The following NANP variants were observed in gnomAD, a reference collection of about 807,000 sequenced individuals.
NANP encodes N-acylneuraminate-9-phosphatase.
In NANP, 15 loss-of-function variants were observed where a neutral mutation model predicts 16.9. The ratio of observed to expected loss-of-function variants is 0.89; its 90% CI spans 0.59 to 1.37. The LOEUF (loss-of-function observed/expected upper bound fraction) is 1.37, where lower values mean the gene tolerates loss of function less well. Ranked by LOEUF, NANP falls within the 40% of genes most tolerant of loss-of-function variation. The pLI, the probability that NANP is intolerant of heterozygous loss-of-function variation, is 0.00. For missense variants in NANP, 290 were observed against 303.5 expected, an observed-to-expected ratio of 0.96 and a Z score of 0.33; for synonymous variants, 135 against 112.6, an observed-to-expected ratio of 1.20 and a Z score of -1.26.
Position 25,618,370 on chromosome 20 carries a change from C to A in NANP, c.91-1789G>T, listed in dbSNP as rs1003769923. Among the ~76,000 whole-genome samples the A allele has an allele frequency of 3.9e-5, 6 of 152,190 alleles. No individual in the cohort carries two copies. The South Asian group carries it at 1.2e-3, about 32-fold the overall frequency. On this transcript the variant is annotated intron_variant, in intron 1 of 1. Coordinates refer to ENST00000304788, the MANE Select transcript of NANP (RefSeq NM_152667.3). ...ATTCCAGACAGAGGAACAGCATGAA[C>A]AAAGGCCAAGAGTTTAAAATTTTGT...
At chr20:25,619,735 C>G (rs1287668705) in intron 1 of NANP, among the ~76,000 whole-genome samples, 1 of 152,154 alleles carries the variant, frequency 6.6e-6, no homozygotes, top group Non-Finnish European at 1.5e-5. Context: ...TTTCAGCAAC[C>G]CTACAGCAGT....
rs140147405 is a variant in NANP at position 25,622,136 on chromosome 20, T to A, written c.90+1723A>T. On this transcript the variant is annotated intron_variant, in intron 1 of 1. Transcript: ENST00000304788. Reference sequence around the variant, plus strand: ...TGAGGGTGTAAAGACCAGGGAGGCATACGATTTAGTCTTTGTTTTAAAAAT... The same window carrying A: ...TGAGGGTGTAAAGACCAGGGAGGCAAACGATTTAGTCTTTGTTTTAAAAAT... Among the ~76,000 whole-genome samples the A allele has an allele frequency of 1.1e-4, 16 of 152,286 alleles. No individual in the cohort carries two copies. In the East Asian group the frequency reaches 2.7e-3, roughly 26 times the overall value.
intron 1 of NANP, among the ~76,000 whole-genome samples, chr20:25,623,405 C>A (rs1181667646): frequency 6.6e-6 from 1 of 152,232 alleles, no homozygotes; most frequent in East Asian, 1.9e-4. Context: ...CTTCTTGGGT[C>A]AACACTGGGG....
At position 25,615,808 on chromosome 20, in the gene NANP, A is replaced by G. The variant is rs2065340726; in HGVS notation, c.*117T>C. 9 of 1,065,388 alleles carry G rather than the reference A, an allele frequency of 8.4e-6. No individual in the cohort carries two copies. In the South Asian group the frequency reaches 1.5e-4, roughly 18 times the overall value. 66.0% of individuals were successfully genotyped at this position (1,065,388 alleles called of 1,614,324 possible). On this transcript the variant is annotated 3_prime_UTR_variant, in exon 2 of 2. Coordinates refer to ENST00000304788, the MANE Select transcript of NANP (RefSeq NM_152667.3). ...AAGACCTTCAAAATATTGGCCATTA[A>G]ATCATAAGTAAAATTATTCTTAGAG... is the stretch of plus-strand genomic sequence containing the variant.
intron 1 of NANP, among the ~76,000 whole-genome samples, chr20:25,618,361 C>A (rs541642195): frequency 6.6e-6 from 1 of 152,184 alleles, no homozygotes; most frequent in South Asian, 2.1e-4. Flanking sequence ...GACAGAGGAA[C>A]AGCATGAACA....
At chr20:25,620,370 A>G (rs2065359596) in intron 1 of NANP, among the ~76,000 whole-genome samples, 1 of 152,214 alleles carries the variant, frequency 6.6e-6, no homozygotes, top group Admixed American at 6.5e-5. Context: ...ATCCGTTAGT[A>G]GATCAATATG....
chr20:25,621,294 T>C (rs1427119164), intron 1 of NANP, among the ~76,000 whole-genome samples: 1 of 152,228 alleles, frequency 6.6e-6, no homozygotes, highest in Non-Finnish European at 1.5e-5. Context: ...ATATTTATTA[T>C]GTTCACTGCC....
Position 25,624,007 on chromosome 20 carries a change from C to T in NANP, c.-59G>A. ...CACCGCCGCCTGCGCATGCGCAAGG[C>T]GGACTGCCCAGAGAGACGTGGGAGG... is the stretch of plus-strand genomic sequence containing the variant. On this transcript the variant is annotated 5_prime_UTR_variant, in exon 1 of 2. Transcript: ENST00000304788. The T allele has an allele frequency of 6.5e-7, 1 of 1,548,210 alleles. No individual in the cohort carries two copies. The highest frequency in any genetic ancestry group is 8.8e-7 in the Non-Finnish European group (1 of 1,130,390).
intron 1 of NANP, 102 bp downstream of exon 1, chr20:25,623,757 C>T: frequency 8.5e-7 from 1 of 1,179,732 alleles, no homozygotes; most frequent in African/African-American, 1.6e-5. Flanking sequence ...AAGAGCGGCC[C>T]GCGGCGCCGG....
intron 1 of NANP, among the ~76,000 whole-genome samples, chr20:25,619,966 C>T (rs1376691906): frequency 1.3e-5 from 2 of 152,192 alleles, no homozygotes; most frequent in South Asian, 2.1e-4. Context: ...GTATGCCACG[C>T]CCAAGTTTCA....
intron 1 of NANP, among the ~76,000 whole-genome samples, chr20:25,621,983 TA>T (rs1568989220): frequency 6.6e-6 from 1 of 152,244 alleles, no homozygotes; most frequent in Non-Finnish European, 1.5e-5. Context: ...CGAGGATAAT[TA>T]AGACAGCTTG....
chr20:25,618,055 CT>C (rs1194985878), intron 1 of NANP, among the ~76,000 whole-genome samples: 1 of 152,178 alleles, frequency 6.6e-6, no homozygotes. Flanking sequence ...ACTCGCCCAT[CT>C]GGGATCTGCA....
chr20:25,617,796 C>T (rs1422105640), intron 1 of NANP, among the ~76,000 whole-genome samples: 2 of 152,140 alleles, frequency 1.3e-5, no homozygotes. Flanking sequence ...GGATTATAGG[C>T]ATGAGCCACT....
chr20:25,619,052 C>G (rs1402123271), intron 1 of NANP, among the ~76,000 whole-genome samples: 1 of 151,958 alleles, frequency 6.6e-6, no homozygotes, highest in East Asian at 1.9e-4. Flanking sequence ...ACTCAACTCA[C>G]CTACTGAGAG....
At chr20:25,623,821 G>A (rs758839181) in intron 1 of NANP, 38 bp downstream of exon 1, 1 of 1,574,768 alleles carries the variant, frequency 6.4e-7, no homozygotes, top group East Asian at 2.3e-5. Flanking sequence ...GGGGCGCACT[G>A]ACCCCGCCCA....
chr20:25,623,987 C>T lies in NANP; in HGVS notation c.-39G>A, dbSNP rs780564647. On this transcript the variant is annotated 5_prime_UTR_variant, in exon 1 of 2. Coordinates refer to ENST00000304788, the MANE Select transcript of NANP (RefSeq NM_152667.3). ...GGCGCGAACCGTAGCCTTGCCACCG[C>T]CGCCTGCGCATGCGCAAGGCGGACT... 2.5e-6 allele frequency: 4 copies of T among 1,599,498 alleles called. No individual in the cohort carries two copies. The highest frequency in any genetic ancestry group is 3.4e-6 in the Non-Finnish European group (4 of 1,171,566).
Position 25,615,412 on chromosome 20 carries a change from A to G in NANP, c.*513T>C, listed in dbSNP as rs1002133247. On this transcript the variant is annotated 3_prime_UTR_variant, in exon 2 of 2. Transcript: ENST00000304788. ...TATGGTTTATGTTTTCAAAATATGCAAAATAATTTCACTATATAATACCTT... is the reference window on the plus strand; with the variant it reads ...TATGGTTTATGTTTTCAAAATATGCGAAATAATTTCACTATATAATACCTT... The G allele has an allele frequency of 1.3e-5, 2 of 152,288 alleles. No homozygotes were observed. The highest frequency in any genetic ancestry group is 2.9e-5 in the Non-Finnish European group (2 of 68,080). The allele number at this position is 152,288 out of a possible 1,614,324, so 9.4% of individuals were successfully genotyped here. A position where few individuals can be genotyped will look rare whatever the true frequency, so the allele number is the denominator to read the frequency against.
rs552511600 is a variant in NANP, at chr20:25,613,963, C to T, written c.*1962G>A. On this transcript the variant is annotated 3_prime_UTR_variant, in exon 2 of 2. Coordinates refer to ENST00000304788, the MANE Select transcript of NANP (RefSeq NM_152667.3). ...ATCAGAGCAATCATGCATGTGACTACTTCTGCCAAAATCCTCCAACTTAAT... is the reference window on the plus strand; with the variant it reads ...ATCAGAGCAATCATGCATGTGACTATTTCTGCCAAAATCCTCCAACTTAAT... The T allele has an allele frequency of 2.1e-4, 84 of 397,476 alleles. No individual in the cohort carries two copies. In the Middle Eastern group the frequency reaches 2.5e-3, roughly 12 times the overall value. 24.6% of individuals were successfully genotyped at this position (397,476 alleles called of 1,614,324 possible). A position where few individuals can be genotyped will look rare whatever the true frequency, so the allele number is the denominator to read the frequency against.
Position 25,623,991 on chromosome 20 carries a change from C to G in NANP, c.-43G>C. 15 of 1,594,364 alleles carry G rather than the reference C, an allele frequency of 9.4e-6. No individual in the cohort carries two copies. The highest frequency in any genetic ancestry group is 1.3e-5 in the Non-Finnish European group (15 of 1,167,246). On this transcript the variant is annotated 5_prime_UTR_variant, in exon 1 of 2. Coordinates refer to ENST00000304788, the MANE Select transcript of NANP (RefSeq NM_152667.3). ...CGAACCGTAGCCTTGCCACCGCCGC[C>G]TGCGCATGCGCAAGGCGGACTGCCC...
Sources: allele counts gnomAD v4.1 joint callset (sites outside exome capture counted in the v4.1 genomes callset), GRCh38; gene constraint gnomAD v4.1.1; transcripts MANE v1.5; gene names NCBI Gene and HGNC (gene_info 2026-07-23, HGNC 2026-07-21).